The following MRPL13 variants were observed in gnomAD, a reference collection of about 807,000 sequenced individuals.
MRPL13 encodes the protein mitochondrial ribosomal protein L13.
In MRPL13, 33 loss-of-function variants were observed where a neutral mutation model predicts 29.0. The ratio of observed to expected loss-of-function variants is 1.14; its 90% confidence interval spans 0.86 to 1.52. The LOEUF is 1.52. Among genes scored for constraint, MRPL13 ranks in the 40% most tolerant of loss-of-function variants. MRPL13 has a pLI of 0.00. For synonymous variants in MRPL13, 77 were observed against 68.4 expected (o/e 1.13, Z -0.62); for missense variants, 227 against 216.7 (o/e 1.05, Z -0.30).
chr8:120,415,053 G>C (rs1812788248), intron 5 of MRPL13: 1 of 152,126 alleles, frequency 6.6e-6, no homozygotes, highest in Admixed American at 6.5e-5. Context: ...CATTTTAAAA[G>C]AAGAAAGCAT....
intron 2 of MRPL13, among the ~76,000 whole-genome samples, chr8:120,435,044 T>C (rs1813037744): frequency 6.6e-6 from 1 of 152,162 alleles, no homozygotes; most frequent in Non-Finnish European, 1.5e-5. Flanking sequence ...CAGATTCAGA[T>C]AGAGACACCA....
chr8:120,409,817 T>C (rs983279300), intron 6 of MRPL13, among the ~76,000 whole-genome samples: 3 of 152,176 alleles, frequency 2.0e-5, no homozygotes, highest in Non-Finnish European at 1.5e-5. Context: ...AGTATAGTTT[T>C]GTCATAAATA....
chr8:120,438,690 G>T (rs934956456), intron 2 of MRPL13, among the ~76,000 whole-genome samples: 36 of 152,162 alleles, frequency 2.4e-4, no homozygotes, highest in Admixed American at 3.3e-4. Context: ...CAGTACAAGT[G>T]GTTAAGAATC....
chr8:120,401,301 A>G (rs542120409), intron 6 of MRPL13, among the ~76,000 whole-genome samples: 1 of 152,336 alleles, frequency 6.6e-6, no homozygotes, highest in East Asian at 1.9e-4. Flanking sequence ...AAGCTTATCC[A>G]CCACAATCAA....
chr8:120,414,249 A>G, intron 5 of MRPL13, 137 bp from the exon 6 acceptor site: 1 of 703,482 alleles, frequency 1.4e-6, no homozygotes, highest in Non-Finnish European at 2.0e-6. Context: ...CTTTAAAATA[A>G]AAACCTTATA....
chr8:120,428,417 T>C (rs1255472029), intron 3 of MRPL13, among the ~76,000 whole-genome samples: 1 of 152,078 alleles, frequency 6.6e-6, no homozygotes, highest in East Asian at 1.9e-4. Context: ...GCAATATCAT[T>C]AAGAACACAG....
At chr8:120,413,626 A>C (rs576277912) in intron 6 of MRPL13, among the ~76,000 whole-genome samples, 1 of 152,330 alleles carries the variant, frequency 6.6e-6, no homozygotes, top group African/African-American at 2.4e-5. Context: ...TCCAAAATTA[A>C]TGACTTTTCA....
At position 120,445,003 on chromosome 8, in the gene MRPL13, C is replaced by T. The variant is rs965771827; in HGVS notation, c.27+65G>A. 15 of 1,609,334 alleles carry T rather than the reference C, an allele frequency of 9.3e-6. No homozygotes were observed. The South Asian group carries it at 1.5e-4, about 17-fold the overall frequency. On this transcript the variant is annotated intron_variant, in intron 1 of 6. Transcript: ENST00000306185. ...GCCCCAGCTTCACTACTTAATCTGC[C>T]GGAACCAACGCTCTCCTTCTGCCAG...
At chr8:120,396,183 G>A in intron 6 of MRPL13, 58 bp from the exon 7 acceptor site, 2 of 1,270,760 alleles carry the variant, frequency 1.6e-6, no homozygotes, top group Non-Finnish European at 2.2e-6. Context: ...TCTCCTGACT[G>A]ATGAGGATTA....
intron 6 of MRPL13, among the ~76,000 whole-genome samples, chr8:120,408,584 G>A (rs963000304): frequency 2.0e-5 from 3 of 152,142 alleles, no homozygotes; most frequent in Admixed American, 1.3e-4. Flanking sequence ...TGACTGTGAA[G>A]AGCAGCAAAT....
intron 3 of MRPL13, among the ~76,000 whole-genome samples, chr8:120,429,445 C>T (rs1325309083): frequency 6.7e-6 from 1 of 148,756 alleles, no homozygotes; most frequent in Non-Finnish European, 1.5e-5. Context: ...CCCCATGATA[C>T]AAGTTTACTT....
chr8:120,416,122 G>T (rs534642568), intron 5 of MRPL13: 2 of 152,226 alleles, frequency 1.3e-5, no homozygotes, highest in South Asian at 2.1e-4. Flanking sequence ...AAACCAGGAA[G>T]AGGGAGAAGT....
At position 120,414,018 on chromosome 8, in the gene MRPL13, A is replaced by G. The variant is rs1294706401; in HGVS notation, c.488T>C (p.Ile163Thr). The G allele has an allele frequency of 2.5e-6, 4 of 1,568,962 alleles. No homozygotes were observed. The highest frequency in any genetic ancestry group is 1.4e-5 in the African/African-American group (1 of 72,374). Residue 163 changes from isoleucine to threonine, a missense_variant, in exon 6 of 7, where the codon ATA becomes ACA. Transcript: ENST00000306185. ...AGTCCACAATCTTGGGAAGGCGTCTATTTCTTCTTGTGTGTACTCATCTAG... is the reference window on the plus strand; with the variant it reads ...AGTCCACAATCTTGGGAAGGCGTCTGTTTCTTCTTGTGTGTACTCATCTAG... ...KRLDEYTQEE[I>T]DAFPRLWTPP...
chr8:120,409,003 A>G (rs1047399987), intron 6 of MRPL13, among the ~76,000 whole-genome samples: 3 of 152,158 alleles, frequency 2.0e-5, no homozygotes, highest in African/African-American at 7.2e-5. Context: ...TTTCGAAGAG[A>G]CAGTTCTGCA....
chr8:120,407,142 A>G (rs2130455509), intron 6 of MRPL13, among the ~76,000 whole-genome samples: 1 of 152,368 alleles, frequency 6.6e-6, no homozygotes, highest in South Asian at 2.1e-4. Context: ...GGATGAAATA[A>G]GCACATATCA....
chr8:120,408,059 AAAGT>A, intron 6 of MRPL13, among the ~76,000 whole-genome samples: 2 of 152,252 alleles, frequency 1.3e-5, no homozygotes, highest in East Asian at 3.8e-4. Context: ...ACTGAGAGGT[AAAGT>A]AATGGTGCCT....
intron 2 of MRPL13, among the ~76,000 whole-genome samples, chr8:120,435,785 G>A (rs540111604): frequency 9.9e-5 from 15 of 152,188 alleles, no homozygotes; most frequent in Non-Finnish European, 2.1e-4. Context: ...CCTTGCCAAT[G>A]TCTATTATTT....
At chr8:120,400,697 A>G (rs1188291587) in intron 6 of MRPL13, among the ~76,000 whole-genome samples, 1 of 132,048 alleles carries the variant, frequency 7.6e-6, no homozygotes, top group Non-Finnish European at 1.6e-5. Context: ...GGTTTTTTGG[A>G]AAATAAATAA....
At chr8:120,429,726 G>A (rs769708930) in intron 3 of MRPL13, among the ~76,000 whole-genome samples, 1 of 152,168 alleles carries the variant, frequency 6.6e-6, no homozygotes, top group East Asian at 1.9e-4. Flanking sequence ...ATCTGTGGAG[G>A]ACTAGTTCCA....
Sources: gnomAD v4.1 joint callset for allele counts (sites outside exome capture counted in the v4.1 genomes callset) on GRCh38, gnomAD v4.1.1 for gene constraint, MANE v1.5 for transcripts, NCBI Gene and HGNC (gene_info 2026-07-23, HGNC 2026-07-21) for gene names.